The following DIAPH1 variants were observed in gnomAD, a reference collection of about 807,000 sequenced individuals.
DIAPH1 encodes the protein protein diaphanous homolog 1.
DIAPH1 carries 46 observed loss-of-function variants against 140.7 expected under a neutral mutation model. That is an observed-to-expected ratio of 0.33 (90% CI 0.26 to 0.42). DIAPH1 has a LOEUF of 0.42. DIAPH1 is among the 10% of genes least tolerant of loss of function. The probability of loss-of-function intolerance (pLI) is 1.00; values close to 1 mark genes in which losing one functional copy is unlikely to be tolerated. For missense variants in DIAPH1, 1,310 were observed against 1,558.7 expected, an observed-to-expected ratio of 0.84 and a Z score of 2.69; for synonymous variants, 565 against 551.6, an observed-to-expected ratio of 1.02 and a Z score of -0.34.
At chr5:141,523,333 CG>C (rs770057344) in intron 27 of DIAPH1, among the ~76,000 whole-genome samples, 1 of 152,198 alleles carries the variant, frequency 6.6e-6, no homozygotes, top group Non-Finnish European at 1.5e-5. Context: ...TCACTAGACA[CG>C]ATAGTGCAGG....
chr5:141,587,413 G>C, intron 2 of DIAPH1: 1 of 588,784 alleles, frequency 1.7e-6, no homozygotes, highest in Non-Finnish European at 3.0e-6. Context: ...AAAGATAAGA[G>C]GACCAAAGTA....
At chr5:141,556,427 C>T (rs1006822343) in intron 18 of DIAPH1, among the ~76,000 whole-genome samples, 11 of 152,200 alleles carry the variant, frequency 7.2e-5, no homozygotes, top group African/African-American at 2.4e-4. Context: ...ATTCTTAGAA[C>T]GGGTGAGGCC....
chr5:141,539,214 T>C (rs1454357573), intron 18 of DIAPH1, among the ~76,000 whole-genome samples: 1 of 151,426 alleles, frequency 6.6e-6, no homozygotes, highest in Non-Finnish European at 1.5e-5. Flanking sequence ...GAGGCGGAGG[T>C]TGCAGTGAGT....
At chr5:141,577,664 T>C in intron 11 of DIAPH1, 73 bp from the exon 12 acceptor site, 1 of 981,568 alleles carries the variant, frequency 1.0e-6, no homozygotes, top group Middle Eastern at 2.2e-4. Flanking sequence ...ATTTAACTCT[T>C]GAAAAAGCTA....
chr5:141,618,175 A>AG (rs2099902989), intron 1 of DIAPH1, among the ~76,000 whole-genome samples: 1 of 152,252 alleles, frequency 6.6e-6, no homozygotes, highest in Non-Finnish European at 1.5e-5. Flanking sequence ...CAGTGACCAT[A>AG]GGACCTGGGC....
rs762394819 is a variant in DIAPH1 at position 141,526,346 on chromosome 5, GACA to G, written c.3386_3388del (p.Leu1129del). 6.2e-7 allele frequency: 1 copy of G among 1,614,150 alleles called. No individual in the cohort carries two copies. Among genetic ancestry groups the G allele is most frequent in the East Asian group, 2.2e-5 (1 of 44,884 alleles). ...AAGATCCATGAAAAATTCTTCAACA[GACA>G]ACTTCTTGGGGTCAAAGAGGAAGTA... On this transcript the variant is annotated inframe_deletion, in exon 25 of 28. Transcript: ENST00000389054.
At chr5:141,616,597 C>G (rs367950656) in intron 1 of DIAPH1, among the ~76,000 whole-genome samples, 1 of 152,186 alleles carries the variant, frequency 6.6e-6, no homozygotes, top group African/African-American at 2.4e-5. Context: ...CTCCTCATCT[C>G]TCATTTCCAC....
At chr5:141,555,684 T>C (rs1321640985) in intron 18 of DIAPH1, among the ~76,000 whole-genome samples, 1 of 152,160 alleles carries the variant, frequency 6.6e-6, no homozygotes, top group East Asian at 1.9e-4. Flanking sequence ...TAGGTGGGTA[T>C]AGATAGCACC....
chr5:141,527,737 A>G, intron 23 of DIAPH1, 40 bp from the exon 24 acceptor site: 1 of 1,535,708 alleles, frequency 6.5e-7, no homozygotes, highest in South Asian at 1.2e-5. Flanking sequence ...AAAAACAGAC[A>G]GCAAGAGCTT....
At chr5:141,519,075 C>T in intron 27 of DIAPH1, 1 of 1,312,972 alleles carries the variant, frequency 7.6e-7, no homozygotes, top group Non-Finnish European at 1.1e-6. Flanking sequence ...TAGGTATGTG[C>T]CCGAGACTGT....
chr5:141,532,103 T>C (rs1221405232), intron 19 of DIAPH1, among the ~76,000 whole-genome samples: 3 of 152,210 alleles, frequency 2.0e-5, no homozygotes, highest in Non-Finnish European at 4.4e-5. Flanking sequence ...AACTGCACAA[T>C]GTTATCTCAT....
intron 1 of DIAPH1, among the ~76,000 whole-genome samples, chr5:141,611,248 T>C (rs1167247316): frequency 6.6e-6 from 1 of 152,160 alleles, no homozygotes; most frequent in East Asian, 1.9e-4. Flanking sequence ...CCATTCTCTT[T>C]TAACAACAAC....
At chr5:141,595,218 A>AG (rs1284294888) in intron 1 of DIAPH1, among the ~76,000 whole-genome samples, 16 of 152,130 alleles carry the variant, frequency 1.1e-4, no homozygotes, top group Admixed American at 9.8e-4. Flanking sequence ...GAGGGTTTTT[A>AG]GGGCAGTGAA....
chr5:141,587,242 C>G, intron 2 of DIAPH1, 45 bp from the exon 3 acceptor site: 1 of 1,599,116 alleles, frequency 6.3e-7, no homozygotes, highest in South Asian at 1.1e-5. Context: ...TTTTCACTTA[C>G]ATAACAAGCC....
intron 1 of DIAPH1, among the ~76,000 whole-genome samples, chr5:141,600,155 G>C (rs938108748): frequency 6.6e-6 from 1 of 152,180 alleles, no homozygotes; most frequent in East Asian, 1.9e-4. Flanking sequence ...AAGGTGGAGG[G>C]GGCCAAAAGG....
At chr5:141,617,267 G>T (rs1281198182) in intron 1 of DIAPH1, among the ~76,000 whole-genome samples, 1 of 151,206 alleles carries the variant, frequency 6.6e-6, no homozygotes, top group South Asian at 2.1e-4. Context: ...AAAGAAGGAG[G>T]GGGTGTCAAT....
chr5:141,568,123 C>T (rs1267100125), intron 18 of DIAPH1, among the ~76,000 whole-genome samples: 1 of 152,060 alleles, frequency 6.6e-6, no homozygotes, highest in Non-Finnish European at 1.5e-5. Context: ...TGAGTTATCA[C>T]TCACCATGCT....
At chr5:141,578,656 A>G (rs752898329) in intron 9 of DIAPH1, 31 bp from the exon 10 acceptor site, 5 of 1,507,592 alleles carry the variant, frequency 3.3e-6, no homozygotes, top group African/African-American at 1.4e-5. Flanking sequence ...AGCTATGTCA[A>G]TGCTAACTCC....
At chr5:141,582,484 G>A in intron 6 of DIAPH1, 109 bp from the exon 7 acceptor site, 1 of 805,642 alleles carries the variant, frequency 1.2e-6, no homozygotes, top group Admixed American at 1.8e-5. Flanking sequence ...TAGCAGATGA[G>A]TAAATTTTAG....
Sources: allele counts gnomAD v4.1 joint callset (sites outside exome capture counted in the v4.1 genomes callset), GRCh38; gene constraint gnomAD v4.1.1; transcripts MANE v1.5; gene names NCBI Gene and HGNC (gene_info 2026-07-23, HGNC 2026-07-21).